SGK1: variants seen among roughly 807,000 people sequenced by gnomAD.
SGK1 encodes the protein serum/glucocorticoid regulated kinase 1, also known as serine/threonine-protein kinase Sgk1.
Under a neutral mutation model 64.2 loss-of-function variants are expected in SGK1, and 26 were observed. The observed-to-expected ratio is 0.40, with a 90% CI of 0.30 to 0.56. SGK1 has a LOEUF of 0.56. Ranked by LOEUF, SGK1 falls within the 20% of genes least tolerant of loss-of-function variation. SGK1 has a pLI of 0.38. For synonymous variants in SGK1, 265 were observed against 239.7 expected, an observed-to-expected ratio of 1.11 and a Z score of -0.98; for missense variants, 519 against 645.6, an observed-to-expected ratio of 0.80 and a Z score of 2.12.
At chr6:134,241,076 G>T (rs1332472173) in intron 2 of SGK1, among the ~76,000 whole-genome samples, 1 of 145,822 alleles carries the variant, frequency 6.9e-6, no homozygotes, top group Non-Finnish European at 1.5e-5. Flanking sequence ...TTGAGACAGG[G>T]TCCAGTTCTG....
At chr6:134,230,877 G>A (rs1460009045) in intron 2 of SGK1, among the ~76,000 whole-genome samples, 1 of 152,156 alleles carries the variant, frequency 6.6e-6, no homozygotes, top group Non-Finnish European at 1.5e-5. Flanking sequence ...AGCTGGGCGT[G>A]GTGGCACGTG....
chr6:134,195,254 A>T (rs1245102937), intron 3 of SGK1, among the ~76,000 whole-genome samples: 2 of 152,252 alleles, frequency 1.3e-5, no homozygotes, highest in African/African-American at 4.8e-5. Flanking sequence ...CTGTTAGTTT[A>T]GCCTTTAGTA....
intron 2 of SGK1, among the ~76,000 whole-genome samples, chr6:134,253,585 C>T (rs1054779281): frequency 2.6e-5 from 4 of 152,176 alleles, no homozygotes; most frequent in Middle Eastern, 3.4e-3. Context: ...CCCAGGAAAT[C>T]GAGGCTGCAG....
At chr6:134,224,552 G>A (rs997351575) in intron 2 of SGK1, among the ~76,000 whole-genome samples, 3 of 152,080 alleles carry the variant, frequency 2.0e-5, no homozygotes, top group Non-Finnish European at 4.4e-5. Flanking sequence ...TTCTCTAGGT[G>A]CTCTGGCAGG....
Position 134,241,870 on chromosome 6 carries a change from T to C in SGK1, c.285+20063A>G, listed in dbSNP as rs564550748. ...CTCCTGACCTCGTGATCCGCCCACC[T>C]CGGCCTCCCAAAGTGCTGGGATTAC... On this transcript the variant is annotated intron_variant, in intron 2 of 13. Transcript: ENST00000367858. 3.9e-5 allele frequency among the ~76,000 whole-genome samples: 6 copies of C among 152,072 alleles called. No homozygotes were observed. The South Asian group carries it at 1.2e-3, about 32-fold the overall frequency.
chr6:134,202,493 T>C (rs1775701699), intron 3 of SGK1, among the ~76,000 whole-genome samples: 1 of 151,566 alleles, frequency 6.6e-6, no homozygotes, highest in African/African-American at 2.4e-5. Flanking sequence ...AAAATACAAT[T>C]AGCCAGGCAT....
chr6:134,268,722 CAAAAAAAAA>C (rs559703087), intron 1 of SGK1, among the ~76,000 whole-genome samples: 1 of 72,370 alleles, frequency 1.4e-5, no homozygotes, highest in Non-Finnish European at 2.9e-5. Context: ...GACTCTGTCT[CAAAAAAAAA>C]AAAAAAAAAA....
At chr6:134,316,455 A>G (rs1314891562) in intron 1 of SGK1, among the ~76,000 whole-genome samples, 1 of 152,158 alleles carries the variant, frequency 6.6e-6, no homozygotes, top group African/African-American at 2.4e-5. Flanking sequence ...TACGTTGCTT[A>G]GGAAACACTG....
At chr6:134,184,995 T>C (rs190251318) in intron 3 of SGK1, among the ~76,000 whole-genome samples, 141 of 152,240 alleles carry the variant, frequency 9.3e-4, no homozygotes, top group Admixed American at 2.3e-3. Context: ...GGAATAATTA[T>C]CTATATTATT....
intron 3 of SGK1, among the ~76,000 whole-genome samples, chr6:134,202,667 G>GA (rs1245067727): frequency 2.6e-5 from 4 of 150,946 alleles, no homozygotes; most frequent in Admixed American, 1.3e-4. Flanking sequence ...ATAAAAACAT[G>GA]AAAAAAAAGA....
chr6:134,201,597 G>C (rs527517508), intron 3 of SGK1, among the ~76,000 whole-genome samples: 121 of 151,414 alleles, frequency 8.0e-4, no homozygotes, highest in African/African-American at 2.9e-3. Context: ...CCTGATCTCA[G>C]GTGATCCACC....
intron 1 of SGK1, among the ~76,000 whole-genome samples, chr6:134,309,142 C>T (rs896775389): frequency 6.6e-6 from 1 of 152,178 alleles, no homozygotes; most frequent in Non-Finnish European, 1.5e-5. Flanking sequence ...TTTGGCACCT[C>T]GAACTACCAA....
intron 1 of SGK1, among the ~76,000 whole-genome samples, chr6:134,295,208 A>G (rs554882779): frequency 4.6e-5 from 7 of 152,270 alleles, no homozygotes; most frequent in African/African-American, 1.4e-4. Context: ...GCTATTCTGC[A>G]TGGTTGGAGA....
chr6:134,297,166 C>A (rs996237189), intron 1 of SGK1: 23 of 659,438 alleles, frequency 3.5e-5, no homozygotes, highest in Non-Finnish European at 6.1e-5. Flanking sequence ...AGACCACCTG[C>A]ATAGCCGCTG....
chr6:134,179,948 TTTTG>T (rs535121177), intron 3 of SGK1, among the ~76,000 whole-genome samples: 2 of 152,028 alleles, frequency 1.3e-5, no homozygotes, highest in African/African-American at 2.4e-5. Context: ...GAGAAGCTTT[TTTTG>T]TTTGTTTGTT....
At chr6:134,223,785 G>A (rs1057302561) in intron 2 of SGK1, among the ~76,000 whole-genome samples, 1 of 152,172 alleles carries the variant, frequency 6.6e-6, no homozygotes, top group African/African-American at 2.4e-5. Flanking sequence ...ACAAACGCAT[G>A]GTTTCTTTTC....
intron 3 of SGK1, chr6:134,175,430 C>G: frequency 3.1e-6 from 4 of 1,310,386 alleles, no homozygotes; most frequent in Non-Finnish European, 2.9e-6. Flanking sequence ...CAGGTCCTCC[C>G]GTTCCCGCCG....
chr6:134,214,872 G>A (rs1439887483), intron 2 of SGK1: 2 of 299,202 alleles, frequency 6.7e-6, no homozygotes, highest in Non-Finnish European at 1.3e-5. Context: ...ATGAGTCCTA[G>A]GAGGTAGAAA....
intron 1 of SGK1, chr6:134,296,959 G>C (rs118142934): frequency 1.5e-5 from 6 of 411,618 alleles, no homozygotes; most frequent in Non-Finnish European, 2.8e-5. Flanking sequence ...TGGGGCAGCC[G>C]CAAGAGGGGC....
Sources: gnomAD v4.1 joint callset for allele counts (sites outside exome capture counted in the v4.1 genomes callset) on GRCh38, gnomAD v4.1.1 for gene constraint, MANE v1.5 for transcripts, NCBI Gene and HGNC (gene_info 2026-07-23, HGNC 2026-07-21) for gene names.